Variants in PLB1 observed in about 807,000 individuals in gnomAD.
PLB1 encodes the protein phospholipase B1.
A neutral mutation model predicts 227.4 loss-of-function variants in PLB1; 242 were observed. The observed-to-expected ratio is 1.06, with a 90% CI of 0.96 to 1.18. The LOEUF (loss-of-function observed/expected upper bound fraction) is 1.18, where lower values mean the gene tolerates loss of function less well. Among genes scored for constraint, PLB1 ranks in the 50% most tolerant of loss-of-function variants. PLB1 has a pLI of 0.00. For synonymous variants in PLB1, 757 were observed against 682.2 expected (o/e 1.11, Z -1.71); for missense variants, 1,858 against 1,816.3 (o/e 1.02, Z -0.42).
At chr2:28,564,141 C>T (rs537268104) in intron 18 of PLB1, among the ~76,000 whole-genome samples, 1 of 152,290 alleles carries the variant, frequency 6.6e-6, no homozygotes, top group South Asian at 2.1e-4. Flanking sequence ...ACTTGAAAGG[C>T]TGGGGCTGGA....
chr2:28,641,298 T>C (rs988621802), intron 57 of PLB1, among the ~76,000 whole-genome samples: 1 of 152,184 alleles, frequency 6.6e-6, no homozygotes, highest in Non-Finnish European at 1.5e-5. Context: ...AAAGCTCTGA[T>C]GCATCCTCAG....
intron 55 of PLB1, 74 bp downstream of exon 55, chr2:28,632,214 A>G: frequency 8.0e-7 from 1 of 1,243,574 alleles, no homozygotes; most frequent in East Asian, 2.4e-5. Flanking sequence ...TTCCTTCTCT[A>G]AGTGGGCTTT....
chr2:28,623,251 C>T (rs1404887808), intron 49 of PLB1, among the ~76,000 whole-genome samples: 1 of 152,132 alleles, frequency 6.6e-6, no homozygotes, highest in East Asian at 1.9e-4. Flanking sequence ...AACCACTGGT[C>T]CCTGGGGTAA....
At chr2:28,630,496 T>C (rs1688454719) in intron 53 of PLB1, 90 bp from the exon 54 acceptor site, 1 of 1,105,662 alleles carries the variant, frequency 9.0e-7, no homozygotes, top group Non-Finnish European at 1.3e-6. Flanking sequence ...CCTGGGGTAG[T>C]GGCCTGCTCT....
Position 28,628,521 on chromosome 2 carries a change from C to T in PLB1, c.3661-42C>T, listed in dbSNP as rs373066108. On this transcript the variant is annotated intron_variant, in intron 51 of 57. Transcript: ENST00000327757. The stretch of plus-strand genomic sequence containing the variant: ...CTATGCTCTTGCCATTCTCTCAGAG[C>T]GGGCACCAGGGGCTAAAGAGAGTAC... The T allele has an allele frequency of 5.2e-5, 82 of 1,572,598 alleles. 1 individual carries two copies. The highest frequency in any genetic ancestry group is 1.4e-4 in the African/African-American group (10 of 74,052).
At chr2:28,622,972 G>T (rs1687241304) in intron 49 of PLB1, among the ~76,000 whole-genome samples, 3 of 152,210 alleles carry the variant, frequency 2.0e-5, no homozygotes, top group Non-Finnish European at 4.4e-5. Flanking sequence ...TGCACTCTAG[G>T]TAAGGAGGCT....
In PLB1 at chr2:28,632,414, T is replaced by TGTTA. The variant is rs375074396; in HGVS notation, c.4002+275_4002+278dup. On this transcript the variant is annotated intron_variant, in intron 55 of 57. Transcript: ENST00000327757. The stretch of plus-strand genomic sequence containing the variant: ...GATAGAATGGAAAGCTTCCTAAAAA[T>TGTTA]GTTACTCTTTTCAACTCTTAGGATA... Among the ~76,000 whole-genome samples, 569 of 152,228 alleles carry TGTTA rather than the reference T, an allele frequency of 3.7e-3. 5 individuals are homozygous for TGTTA. The highest frequency in any genetic ancestry group is 0.013 in the African/African-American group (542 of 41,528).
chr2:28,538,236 G>T, intron 9 of PLB1, 83 bp from the exon 10 acceptor site: 3 of 1,554,818 alleles, frequency 1.9e-6, no homozygotes, highest in Non-Finnish European at 2.7e-6. Context: ...GCCTGGCAGG[G>T]ATGGGCCTGT....
intron 7 of PLB1, 48 bp from the exon 8 acceptor site, chr2:28,529,680 C>A (rs770808975): frequency 1.5e-5 from 24 of 1,585,000 alleles, no homozygotes; most frequent in Non-Finnish European, 2.1e-5. Context: ...CAGCCCTTAA[C>A]AAAATAATAT....
Position 28,643,052 on chromosome 2 carries a change from G to A in PLB1, c.4368G>A (p.Val1456=), listed in dbSNP as rs867875674. The A allele has an allele frequency of 2.5e-6, 4 of 1,599,072 alleles. No individual in the cohort carries two copies. The highest frequency in any genetic ancestry group is 2.7e-5 in the African/African-American group (2 of 74,834). Residue 1456 remains valine, a synonymous_variant, in exon 58 of 58, where the codon GTG becomes GTA. Transcript: ENST00000327757. ...REDPPMSLRT[V]AL ...ATCCTCCAATGAGCCTGCGCACTGT[G>A]GCCCTCTAGGCCCGGGGGTGGGTCC... is the stretch of plus-strand genomic sequence containing the variant.
At chr2:28,551,157 T>C (rs965222520) in intron 16 of PLB1, among the ~76,000 whole-genome samples, 3 of 152,196 alleles carry the variant, frequency 2.0e-5, no homozygotes, top group African/African-American at 7.2e-5. Context: ...GAGAACTTCA[T>C]CTGAAGAGAA....
At position 28,628,547 on chromosome 2, in the gene PLB1, C is replaced by G. The variant is rs148534192; in HGVS notation, c.3661-16C>G. 9.8e-5 allele frequency: 158 copies of G among 1,613,292 alleles called. No homozygotes were observed. The African/African-American group carries it at 1.9e-3, about 19-fold the overall frequency. On this transcript the variant is annotated splice_polypyrimidine_tract_variant and intron_variant, in intron 51 of 57. Coordinates refer to ENST00000327757, the MANE Select transcript of PLB1 (RefSeq NM_153021.5). ...GGGCACCAGGGGCTAAAGAGAGTAC[C>G]CTTTTTTCCTTACAGGAGGCCCACT...
intron 17 of PLB1, among the ~76,000 whole-genome samples, chr2:28,553,964 A>G (rs1674627227): frequency 6.6e-6 from 1 of 152,122 alleles, no homozygotes; most frequent in South Asian, 2.1e-4. Flanking sequence ...GCTGCCCTTC[A>G]CACATGCCGT....
chr2:28,529,649 C>A, intron 7 of PLB1, 79 bp from the exon 8 acceptor site: 1 of 1,414,452 alleles, frequency 7.1e-7, no homozygotes, highest in South Asian at 1.2e-5. Context: ...GACACCTGAG[C>A]TATGGCAAGG....
intron 20 of PLB1, among the ~76,000 whole-genome samples, chr2:28,571,637 C>T (rs1164985852): frequency 1.3e-5 from 2 of 152,064 alleles, no homozygotes; most frequent in African/African-American, 2.4e-5. Context: ...AGAAATTAAA[C>T]TCTCATATTC....
chr2:28,613,008 C>T (rs1053104238), intron 43 of PLB1, among the ~76,000 whole-genome samples: 6 of 151,922 alleles, frequency 3.9e-5, no homozygotes, highest in African/African-American at 1.5e-4. Flanking sequence ...TAACCACAAA[C>T]TCCTGGGTTC....
intron 9 of PLB1, 69 bp from the exon 10 acceptor site, chr2:28,538,250 G>A: frequency 6.3e-7 from 1 of 1,597,860 alleles, no homozygotes; most frequent in East Asian, 2.2e-5. Flanking sequence ...GGCCTGTTGT[G>A]AGTCTGGGTG....
intron 25 of PLB1, 135 bp downstream of exon 25, chr2:28,582,640 A>AT: frequency 1.4e-6 from 1 of 691,588 alleles, no homozygotes; most frequent in Non-Finnish European, 2.5e-6. Context: ...CTAACCTGGA[A>AT]AAGCCTAAGG....
chr2:28,496,513 T>A (rs1328469783), intron 1 of PLB1, among the ~76,000 whole-genome samples: 1 of 152,204 alleles, frequency 6.6e-6, no homozygotes, highest in Non-Finnish European at 1.5e-5. Context: ...GGACCTTGAT[T>A]TTTTTCATCC....
Sources: gnomAD v4.1 joint callset for allele counts (sites outside exome capture counted in the v4.1 genomes callset) on GRCh38, gnomAD v4.1.1 for gene constraint, MANE v1.5 for transcripts, NCBI Gene and HGNC (gene_info 2026-07-23, HGNC 2026-07-21) for gene names.